ZBTB40: variants seen among roughly 807,000 people sequenced by gnomAD.
ZBTB40 encodes zinc finger and BTB domain containing 40.
In ZBTB40, 60 loss-of-function variants were observed where a neutral mutation model predicts 117.5. The ratio of observed to expected loss-of-function variants is 0.51; its 90% confidence interval spans 0.41 to 0.63. ZBTB40 has a LOEUF of 0.63. ZBTB40 is among the 30% of genes least tolerant of loss of function. ZBTB40 has a pLI of 0.00. For synonymous variants in ZBTB40, 525 were observed against 577.1 expected (o/e 0.91, Z 1.29); for missense variants, 1,287 against 1,498.5 (o/e 0.86, Z 2.33).
At chr1:22,520,662 G>A (rs1387145659) in intron 14 of ZBTB40, among the ~76,000 whole-genome samples, 4 of 152,160 alleles carry the variant, frequency 2.6e-5, no homozygotes, top group Non-Finnish European at 4.4e-5. Context: ...CAATTAGTTT[G>A]TGTTTGTTTA....
At chr1:22,467,084 A>G (rs1404562810) in intron 1 of ZBTB40, among the ~76,000 whole-genome samples, 1 of 152,056 alleles carries the variant, frequency 6.6e-6, no homozygotes, top group Non-Finnish European at 1.5e-5. Context: ...CATTAATACT[A>G]TTGCTGCGAA....
chr1:22,430,797 A>C (rs1640570329), intron 1 of ZBTB40, among the ~76,000 whole-genome samples: 1 of 151,844 alleles, frequency 6.6e-6, no homozygotes, highest in Non-Finnish European at 1.5e-5. Flanking sequence ...TATTGTCCTT[A>C]CCCCATGGGT....
At chr1:22,430,278 G>T (rs1475187809) in intron 1 of ZBTB40, among the ~76,000 whole-genome samples, 1 of 152,016 alleles carries the variant, frequency 6.6e-6, no homozygotes, top group Non-Finnish European at 1.5e-5. Context: ...GTCTCATACT[G>T]TCCTTATCTG....
chr1:22,507,126 T>C (rs1243679796), intron 6 of ZBTB40, among the ~76,000 whole-genome samples: 2 of 152,178 alleles, frequency 1.3e-5, no homozygotes, highest in African/African-American at 2.4e-5. Flanking sequence ...ACTGTAGGCA[T>C]TGGTGTCAAG....
At chr1:22,502,709 A>G (rs377360728) in intron 5 of ZBTB40, among the ~76,000 whole-genome samples, 3 of 151,882 alleles carry the variant, frequency 2.0e-5, no homozygotes, top group East Asian at 1.9e-4. Context: ...ACAGTTGGAC[A>G]GATGGATGGA....
rs750698963 is a variant in ZBTB40, at chr1:22,490,454, G to A, written c.506G>A (p.Gly169Asp). Residue 169 changes from glycine (G) to aspartate (D), a missense_variant, in exon 2 of 18, where the codon GGC (glycine) becomes GAC (aspartate). By Grantham distance (94) the Gly-to-Asp change is moderately conservative. Around this residue, in one of 2 missense-constraint regions of ZBTB40, gnomAD observed 870 missense variants for 934.4 expected, o/e 0.93. Transcript: ENST00000375647. Reference protein sequence around the residue: ...SSPELAATPGGPVKAETEEAA... With the variant: ...SSPELAATPGDPVKAETEEAA... The stretch of plus-strand genomic sequence containing the variant: ...CCAGAGCTTGCTGCCACTCCAGGGG[G>A]CCCTGTGAAAGCTGAGACTGAGGAA... 9.4e-6 allele frequency: 15 copies of A among 1,602,426 alleles called. No individual in the cohort carries two copies. Among genetic ancestry groups the A allele is most frequent in the South Asian group, 4.5e-5 (4 of 89,574 alleles).
chr1:22,521,426 A>T, intron 14 of ZBTB40, 70 bp from the exon 15 acceptor site: 1 of 1,588,052 alleles, frequency 6.3e-7, no homozygotes, highest in Non-Finnish European at 8.6e-7. Context: ...TCTTTCTCTC[A>T]TGAGAGCCTC....
At chr1:22,458,174 A>G (rs1200817849) in intron 1 of ZBTB40, among the ~76,000 whole-genome samples, 1 of 152,240 alleles carries the variant, frequency 6.6e-6, no homozygotes, top group Non-Finnish European at 1.5e-5. Flanking sequence ...CTAGTTGGTC[A>G]GTGGCTTTCA....
intron 12 of ZBTB40, among the ~76,000 whole-genome samples, chr1:22,514,471 A>G (rs1263834635): frequency 6.6e-6 from 1 of 152,072 alleles, no homozygotes; most frequent in East Asian, 1.9e-4. Context: ...TTAGGCCTGC[A>G]CATTTTAGCT....
intron 1 of ZBTB40, among the ~76,000 whole-genome samples, chr1:22,473,610 A>C (rs370940927): frequency 1.3e-5 from 2 of 152,196 alleles, no homozygotes; most frequent in East Asian, 1.9e-4. Flanking sequence ...CAGCCATGCG[A>C]TGTGAATTGG....
At chr1:22,476,435 G>A (rs1341307268) in intron 1 of ZBTB40, among the ~76,000 whole-genome samples, 2 of 152,146 alleles carry the variant, frequency 1.3e-5, no homozygotes, top group Admixed American at 6.5e-5. Context: ...GCCCAAGCTG[G>A]TCTTAAACTC....
chr1:22,530,382 C>G lies in ZBTB40; in HGVS notation c.*3986C>G, dbSNP rs1391100270. On this transcript the variant is annotated 3_prime_UTR_variant, in exon 18 of 18. Transcript: ENST00000375647. ...AACTTCGGGGCTGGTGGGACTTAGG[C>G]CAAAAGCTCAGAGGCACAGCCAAAA... 6.6e-6 allele frequency: 1 copy of G among 152,200 alleles called. No individual in the cohort carries two copies. Among genetic ancestry groups the G allele is most frequent in the Non-Finnish European group, 1.5e-5 (1 of 68,050 alleles). 9.4% of individuals were successfully genotyped at this position (152,200 alleles called of 1,614,324 possible). A position where few individuals can be genotyped will look rare whatever the true frequency, so the allele number is the denominator to read the frequency against.
chr1:22,461,088 T>G (rs1280188418), intron 1 of ZBTB40, among the ~76,000 whole-genome samples: 1 of 152,224 alleles, frequency 6.6e-6, no homozygotes, highest in Non-Finnish European at 1.5e-5. Context: ...ATATTTAAAT[T>G]AAATAACAAT....
chr1:22,499,279 CAG>C (rs1638862262), intron 3 of ZBTB40, among the ~76,000 whole-genome samples: 1 of 152,146 alleles, frequency 6.6e-6, no homozygotes. Context: ...AGAGCAAGGG[CAG>C]AGAGAGAAAA....
At chr1:22,469,592 T>C (rs1350483957) in intron 1 of ZBTB40, among the ~76,000 whole-genome samples, 1 of 152,200 alleles carries the variant, frequency 6.6e-6, no homozygotes, top group Non-Finnish European at 1.5e-5. Context: ...AGTCTTACTC[T>C]GTCACCCAGG....
intron 3 of ZBTB40, 98 bp from the exon 4 acceptor site, chr1:22,501,394 C>T (rs1032107676): frequency 4.5e-6 from 6 of 1,325,912 alleles, no homozygotes; most frequent in African/African-American, 2.9e-5. Context: ...GAGAAGCTGG[C>T]GGGAATCAAA....
intron 1 of ZBTB40, among the ~76,000 whole-genome samples, chr1:22,467,475 G>A (rs1378378616): frequency 6.6e-6 from 1 of 152,044 alleles, no homozygotes. Context: ...AGTGCAAGTA[G>A]TTTTGTTTTT....
chr1:22,514,103 A>G (rs1639314823), intron 12 of ZBTB40, among the ~76,000 whole-genome samples: 1 of 152,316 alleles, frequency 6.6e-6, no homozygotes, highest in African/African-American at 2.4e-5. Flanking sequence ...ATAATGTGGA[A>G]TAACACCAGC....
chr1:22,454,405 G>A (rs1393359062), intron 1 of ZBTB40, among the ~76,000 whole-genome samples: 3 of 152,142 alleles, frequency 2.0e-5, no homozygotes, highest in African/African-American at 7.2e-5. Context: ...CCAAATTGTG[G>A]CAACTGCTCT....
Sources: gnomAD v4.1 joint callset for allele counts (sites outside exome capture counted in the v4.1 genomes callset) on GRCh38, gnomAD v4.1.1 for gene constraint, gnomAD v4.1.1 regional missense constraint, MANE v1.5 for transcripts, NCBI Gene and HGNC (gene_info 2026-07-23, HGNC 2026-07-21) for gene names.